ADK: variants seen among roughly 807,000 people sequenced by gnomAD.
The protein encoded by ADK is N6,N6-dimethyladenosine kinase.
In ADK, 24 loss-of-function variants were observed where a neutral mutation model predicts 44.7. The ratio of observed to expected loss-of-function variants is 0.54; its 90% CI spans 0.39 to 0.76. ADK has a LOEUF of 0.76. Ranked by LOEUF, ADK falls within the 30% of genes least tolerant of loss-of-function variation. The pLI, the probability that ADK is intolerant of heterozygous loss-of-function variation, is 0.00. For synonymous variants in ADK, 128 were observed against 142.6 expected (o/e 0.90, Z 0.73); for missense variants, 321 against 425.1 (o/e 0.76, Z 2.15).
At chr10:74,695,669 AC>A (rs536527045) in intron 10 of ADK, among the ~76,000 whole-genome samples, 75 of 137,230 alleles carry the variant, frequency 5.5e-4, no homozygotes, top group African/African-American at 2.0e-3. Context: ...AAGATCTCGC[AC>A]TGTTGCCCAG....
chr10:74,653,268 A>G (rs1854338436), intron 9 of ADK, among the ~76,000 whole-genome samples: 1 of 152,108 alleles, frequency 6.6e-6, no homozygotes, highest in Non-Finnish European at 1.5e-5. Flanking sequence ...CCTGGCCAAC[A>G]TGATGAAACC....
intron 2 of ADK, among the ~76,000 whole-genome samples, chr10:74,218,627 G>T (rs1481897400): frequency 1.3e-5 from 2 of 152,108 alleles, no homozygotes; most frequent in African/African-American, 4.8e-5. Flanking sequence ...AGAAAGGTCG[G>T]GTTACCCACA....
At chr10:74,574,022 G>T (rs181825836) in intron 7 of ADK, among the ~76,000 whole-genome samples, 1 of 152,200 alleles carries the variant, frequency 6.6e-6, no homozygotes, top group Non-Finnish European at 1.5e-5. Context: ...ACTGTCCTGC[G>T]CCCACTGTCT....
intron 7 of ADK, among the ~76,000 whole-genome samples, chr10:74,579,824 G>T (rs1347155065): frequency 6.6e-6 from 1 of 152,186 alleles, no homozygotes; most frequent in Admixed American, 6.5e-5. Flanking sequence ...CAGGGATAAA[G>T]CCACTGGAAA....
At chr10:74,590,494 T>G (rs866521963) in intron 8 of ADK, among the ~76,000 whole-genome samples, 12 of 152,164 alleles carry the variant, frequency 7.9e-5, no homozygotes, top group African/African-American at 2.9e-4. Flanking sequence ...TAGAGCTTCC[T>G]CTTCATAGAG....
intron 6 of ADK, among the ~76,000 whole-genome samples, chr10:74,406,310 C>T (rs1175438335): frequency 6.6e-6 from 1 of 152,030 alleles, no homozygotes; most frequent in Non-Finnish European, 1.5e-5. Flanking sequence ...TTCCCTCTTA[C>T]CTAATATGTC....
intron 10 of ADK, among the ~76,000 whole-genome samples, chr10:74,693,238 C>A (rs764617437): frequency 6.6e-6 from 1 of 152,088 alleles, no homozygotes; most frequent in East Asian, 1.9e-4. Context: ...ATAGGTGGAA[C>A]TGGGGAGTAA....
intron 7 of ADK, among the ~76,000 whole-genome samples, chr10:74,586,456 C>T (rs1851528051): frequency 6.6e-6 from 1 of 152,044 alleles, no homozygotes; most frequent in Non-Finnish European, 1.5e-5. Context: ...TGGAAGTGTC[C>T]TAGGGCCTGG....
chr10:74,707,674 A>G (rs1250106391), intron 10 of ADK, among the ~76,000 whole-genome samples: 1 of 151,682 alleles, frequency 6.6e-6, no homozygotes, highest in Admixed American at 6.6e-5. Context: ...GAGGCAGAAG[A>G]ATGGCTTGAA....
chr10:74,274,524 T>C (rs1385036715), intron 3 of ADK, among the ~76,000 whole-genome samples: 1 of 318 alleles, frequency 3.1e-3, no homozygotes, highest in East Asian at 0.062. Context: ...AATTGCGCCA[T>C]TGCAGCTCCA....
chr10:74,640,502 T>G (rs1349088641), intron 9 of ADK, among the ~76,000 whole-genome samples: 1 of 152,234 alleles, frequency 6.6e-6, no homozygotes, highest in Non-Finnish European at 1.5e-5. Context: ...TACTGCTTTT[T>G]CAATTCTCTG....
chr10:74,638,815 G>GT (rs959664105), intron 9 of ADK, among the ~76,000 whole-genome samples: 1 of 151,862 alleles, frequency 6.6e-6, no homozygotes, highest in Non-Finnish European at 1.5e-5. Flanking sequence ...GTTTTTGTTT[G>GT]TTTTTTTGAG....
intron 3 of ADK, among the ~76,000 whole-genome samples, chr10:74,293,253 G>A (rs1202818144): frequency 6.6e-6 from 1 of 151,250 alleles, no homozygotes; most frequent in Non-Finnish European, 1.5e-5. Context: ...TAAGTGGCAG[G>A]TAGTTACAGA....
chr10:74,699,005 C>T (rs1856309032), intron 10 of ADK, among the ~76,000 whole-genome samples: 1 of 150,026 alleles, frequency 6.7e-6, no homozygotes, highest in African/African-American at 2.5e-5. Flanking sequence ...TGCCACCACG[C>T]CCAGCTAATT....
intron 1 of ADK, among the ~76,000 whole-genome samples, chr10:74,157,485 A>C (rs1841780893): frequency 6.6e-6 from 1 of 152,164 alleles, no homozygotes; most frequent in African/African-American, 2.4e-5. Context: ...GAAATTAAAA[A>C]AAAAATAGGT....
intron 9 of ADK, among the ~76,000 whole-genome samples, chr10:74,634,609 G>C (rs777795754): frequency 6.6e-6 from 1 of 152,026 alleles, no homozygotes; most frequent in Non-Finnish European, 1.5e-5. Context: ...CTTGAATATA[G>C]GTATGTAGAA....
chr10:74,475,264 G>T (rs1013876693), intron 6 of ADK, among the ~76,000 whole-genome samples: 1 of 152,080 alleles, frequency 6.6e-6, no homozygotes, highest in Non-Finnish European at 1.5e-5. Flanking sequence ...ACTCAAATTC[G>T]AGATTTAACT....
chr10:74,246,004 G>C (rs1007163776), intron 3 of ADK, among the ~76,000 whole-genome samples: 3 of 152,004 alleles, frequency 2.0e-5, no homozygotes, highest in Admixed American at 6.6e-5. Flanking sequence ...GTCATGATGA[G>C]GATAAGTGTA....
At chr10:74,703,916 C>T (rs758164839) in intron 10 of ADK, among the ~76,000 whole-genome samples, 3 of 152,046 alleles carry the variant, frequency 2.0e-5, no homozygotes, top group African/African-American at 7.3e-5. Context: ...ATATTGTGCA[C>T]CTGGGTAGAT....
Sources: gnomAD v4.1 joint callset for allele counts (sites outside exome capture counted in the v4.1 genomes callset) on GRCh38, gnomAD v4.1.1 for gene constraint, MANE v1.5 for transcripts, NCBI Gene and HGNC (gene_info 2026-07-23, HGNC 2026-07-21) for gene names.